OTUD7A: variants seen among roughly 807,000 people sequenced by gnomAD.
The protein encoded by OTUD7A is OTU domain-containing protein 7A.
OTUD7A carries 12 observed loss-of-function variants against 65.7 expected under a neutral mutation model. The ratio of observed to expected loss-of-function variants is 0.18; its 90% CI spans 0.12 to 0.30. The LOEUF is 0.30. OTUD7A is among the 10% of genes least tolerant of loss of function. OTUD7A has a pLI of 1.00. For missense variants in OTUD7A, 1,148 were observed against 1,304.8 expected (o/e 0.88, Z 1.85); for synonymous variants, 641 against 586.3 (o/e 1.09, Z -1.35).
At chr15:31,755,632 G>T (rs1894791214) in intron 1 of OTUD7A, among the ~76,000 whole-genome samples, 1 of 152,120 alleles carries the variant, frequency 6.6e-6, no homozygotes, top group Admixed American at 6.5e-5. Context: ...TGAGGCAGGA[G>T]AATGGTGTGA....
chr15:31,663,246 A>AACACACACACACACACACACACAC (rs531313199), intron 1 of OTUD7A, among the ~76,000 whole-genome samples: 26 of 140,642 alleles, frequency 1.8e-4, no homozygotes, highest in African/African-American at 5.9e-4. Flanking sequence ...TCTTGGGCTA[A>AACACACACACACACACACACACAC]ACACACACAC....
At chr15:31,735,590 G>A (rs929885578) in intron 1 of OTUD7A, among the ~76,000 whole-genome samples, 2 of 151,694 alleles carry the variant, frequency 1.3e-5, no homozygotes, top group Non-Finnish European at 2.9e-5. Flanking sequence ...GGAGAAAAAG[G>A]AACATTTATA....
At chr15:31,614,127 C>T (rs915332000) in intron 3 of OTUD7A, among the ~76,000 whole-genome samples, 2 of 151,970 alleles carry the variant, frequency 1.3e-5, no homozygotes, top group African/African-American at 4.8e-5. Context: ...AGGAATGATA[C>T]AATGGACTTG....
chr15:31,585,228 C>T lies in OTUD7A; in HGVS notation c.152-15031G>A, dbSNP rs761785356. ...GAGCCTGTGCTCAACCTTTCCCCTC[C>T]CTTCATTCTCCTCTGCGTAATTTGG... is the stretch of plus-strand genomic sequence containing the variant. On this transcript the variant is annotated intron_variant, in intron 3 of 12. Transcript: ENST00000307050. 3.3e-5 allele frequency among the ~76,000 whole-genome samples: 5 copies of T among 152,226 alleles called. No homozygotes were observed. The South Asian group carries it at 8.3e-4, about 25-fold the overall frequency.
intron 6 of OTUD7A, 66 bp from the exon 7 acceptor site, chr15:31,527,374 A>G: frequency 6.4e-7 from 1 of 1,570,674 alleles, no homozygotes; most frequent in Non-Finnish European, 8.6e-7. Flanking sequence ...GCCAGAGGTG[A>G]TGCAAACTAC....
intron 1 of OTUD7A, among the ~76,000 whole-genome samples, chr15:31,800,968 T>C (rs1237201549): frequency 6.8e-6 from 1 of 147,282 alleles, no homozygotes; most frequent in Non-Finnish European, 1.5e-5. Flanking sequence ...CTGCATGCTG[T>C]GCCAGAAACA....
intron 1 of OTUD7A, among the ~76,000 whole-genome samples, chr15:31,795,138 T>A (rs1011929176): frequency 1.3e-5 from 2 of 152,240 alleles, no homozygotes; most frequent in Non-Finnish European, 2.9e-5. Context: ...TGCCTGCTCA[T>A]TCGAATCCTA....
chr15:31,500,945 C>A (rs547554365), intron 10 of OTUD7A, among the ~76,000 whole-genome samples: 2 of 152,260 alleles, frequency 1.3e-5, no homozygotes, highest in Non-Finnish European at 2.9e-5. Flanking sequence ...CAGTAGCTAA[C>A]ATGAGAAAAC....
In OTUD7A at chr15:31,768,658, G is replaced by GA. The variant is rs56953817; in HGVS notation, c.-100+101848dup. On this transcript the variant is annotated intron_variant, in intron 1 of 12. Coordinates refer to ENST00000307050, the MANE Select transcript of OTUD7A (RefSeq NM_001382637.1). ...TAGGTGACAGAGACCCCATCACAAAGAAAAAAAAAAAAAGTGATAACACTG... is the reference window on the plus strand; with the variant it reads ...TAGGTGACAGAGACCCCATCACAAAGAAAAAAAAAAAAAAGTGATAACACTG... 9.4e-3 allele frequency among the ~76,000 whole-genome samples: 1,255 copies of GA among 133,344 alleles called. 39 individuals carry two copies. Among genetic ancestry groups the GA allele is most frequent in the East Asian group, 0.085 (402 of 4,710 alleles). The allele number at this position is 133,344 out of a possible 152,430, so 87.5% of individuals were successfully genotyped here.
At chr15:31,692,607 T>C (rs1483357196) in intron 1 of OTUD7A, among the ~76,000 whole-genome samples, 1 of 122,172 alleles carries the variant, frequency 8.2e-6, no homozygotes, top group Non-Finnish European at 1.8e-5. Context: ...ATAGAAGAAA[T>C]TCATTCTTGT....
chr15:31,813,919 A>G (rs1372199186), intron 1 of OTUD7A, among the ~76,000 whole-genome samples: 2 of 152,198 alleles, frequency 1.3e-5, no homozygotes, highest in Non-Finnish European at 2.9e-5. Context: ...CTTAACTGGG[A>G]ATTATGGAAA....
chr15:31,808,098 A>AACACACACACACACAC (rs55911531), intron 1 of OTUD7A, among the ~76,000 whole-genome samples: 26 of 95,868 alleles, frequency 2.7e-4, no homozygotes, highest in East Asian at 1.6e-3. Flanking sequence ...ACAAATGCCA[A>AACACACACACACACAC]ACACACACAC....
At chr15:31,744,171 T>C (rs1204732377) in intron 1 of OTUD7A, among the ~76,000 whole-genome samples, 1 of 152,192 alleles carries the variant, frequency 6.6e-6, no homozygotes, top group Non-Finnish European at 1.5e-5. Flanking sequence ...ACTTCACTGG[T>C]GAATTCTATC....
At chr15:31,592,037 T>TA (rs981376726) in intron 3 of OTUD7A, among the ~76,000 whole-genome samples, 1 of 152,022 alleles carries the variant, frequency 6.6e-6, no homozygotes, top group Non-Finnish European at 1.5e-5. Flanking sequence ...GTATAAAAAA[T>TA]AAAAAATGGT....
intron 10 of OTUD7A, among the ~76,000 whole-genome samples, chr15:31,488,667 A>G (rs931950123): frequency 6.6e-6 from 1 of 152,378 alleles, no homozygotes; most frequent in South Asian, 2.1e-4. Context: ...CAAGGGTGCC[A>G]TGGCAAGAAC....
intron 5 of OTUD7A, among the ~76,000 whole-genome samples, chr15:31,554,755 G>C (rs879927795): frequency 2.6e-5 from 4 of 152,212 alleles, no homozygotes; most frequent in Non-Finnish European, 5.9e-5. Context: ...TCCCAACCCA[G>C]AGACCCCGGT....
At chr15:31,852,993 C>T (rs1448949268) in intron 1 of OTUD7A, among the ~76,000 whole-genome samples, 3 of 152,150 alleles carry the variant, frequency 2.0e-5, no homozygotes, top group African/African-American at 7.2e-5. Flanking sequence ...TGGGGACAGA[C>T]GTCCAGGGTG....
At position 31,730,577 on chromosome 15, in the gene OTUD7A, G is replaced by A. The variant is rs111847197; in HGVS notation, c.-99-73500C>T. On this transcript the variant is annotated intron_variant, in intron 1 of 12. Coordinates refer to ENST00000307050, the MANE Select transcript of OTUD7A (RefSeq NM_001382637.1). ...CTGCTGCAGAATTTTATTTCCTGGC[G>A]TATACACTGAAGTGACCACACCAGA... Among the ~76,000 whole-genome samples the A allele has an allele frequency of 3.3e-4, 50 of 152,304 alleles. 1 individual carries two copies. Among genetic ancestry groups the A allele is most frequent in the Middle Eastern group, 6.8e-3 (2 of 294 alleles).
chr15:31,699,978 C>T (rs1398078605), intron 1 of OTUD7A, among the ~76,000 whole-genome samples: 2 of 151,598 alleles, frequency 1.3e-5, no homozygotes, highest in African/African-American at 2.4e-5. Flanking sequence ...TCACTTACTG[C>T]GTTCTCTGCA....
Sources: allele counts gnomAD v4.1 joint callset (sites outside exome capture counted in the v4.1 genomes callset), GRCh38; gene constraint gnomAD v4.1.1; transcripts MANE v1.5; gene names NCBI Gene and HGNC (gene_info 2026-07-23, HGNC 2026-07-21).